Variants in BABAM2 observed in about 807,000 individuals in gnomAD.
BABAM2 encodes BRISC and BRCA1 A complex member 2, also known as BRISC and BRCA1-A complex member 2.
BABAM2 carries 31 observed loss-of-function variants against 54.7 expected under a neutral mutation model. The observed-to-expected ratio is 0.57, with a 90% CI of 0.43 to 0.77. The LOEUF is 0.77. Among genes scored for constraint, BABAM2 ranks in the 30% least tolerant of loss-of-function variants. BABAM2 has a pLI of 0.00. For missense variants in BABAM2, 364 were observed against 455.8 expected (o/e 0.80, Z 1.83); for synonymous variants, 167 against 162.9 (o/e 1.03, Z -0.19).
chr2:27,932,077 T>G (rs1668136596), intron 3 of BABAM2, among the ~76,000 whole-genome samples: 1 of 152,206 alleles, frequency 6.6e-6, no homozygotes, highest in African/African-American at 2.4e-5. Context: ...AGAATCTATG[T>G]ATCGTAGATT....
At chr2:28,220,328 G>T (rs554275402) in intron 7 of BABAM2, among the ~76,000 whole-genome samples, 1 of 152,122 alleles carries the variant, frequency 6.6e-6, no homozygotes, top group Middle Eastern at 3.4e-3. Context: ...CTTTTGTAAG[G>T]GTTAAATAAA....
rs775548486 is a variant in BABAM2, at chr2:28,025,471, A to G, written c.495+51A>G. The stretch of plus-strand genomic sequence containing the variant: ...AAGATGACTTCATCCATAATAAAAT[A>G]ATCAATTCATATGTCCATTTGTAAA... On this transcript the variant is annotated intron_variant, in intron 5 of 11. Transcript: ENST00000379624. 5.5e-6 allele frequency: 8 copies of G among 1,466,980 alleles called. No homozygotes were observed. In the South Asian group the frequency reaches 1.0e-4, roughly 18 times the overall value. The allele number at this position is 1,466,980 out of a possible 1,614,324, so 90.9% of individuals were successfully genotyped here. A position where few individuals can be genotyped will look rare whatever the true frequency, so the allele number is the denominator to read the frequency against.
intron 7 of BABAM2, among the ~76,000 whole-genome samples, chr2:28,140,894 A>G (rs1228411598): frequency 6.6e-6 from 1 of 152,162 alleles, no homozygotes; most frequent in Non-Finnish European, 1.5e-5. Context: ...ATTTCTCACA[A>G]TGTGGTTGCT....
chr2:28,207,565 A>T lies in BABAM2; in HGVS notation c.681-29637A>T, dbSNP rs568249055. 1.9e-4 allele frequency among the ~76,000 whole-genome samples: 29 copies of T among 152,222 alleles called. 2 individuals are homozygous for T. The South Asian group carries it at 5.6e-3, about 29-fold the overall frequency. On this transcript the variant is annotated intron_variant, in intron 7 of 11. Coordinates refer to ENST00000379624, the MANE Select transcript of BABAM2 (RefSeq NM_199191.3). Reference sequence around the variant, plus strand: ...CTCAAAAAATAAATAAAAATAAAGCATCCAACTTGAGCAAGGAATAGCATC... The same window carrying T: ...CTCAAAAAATAAATAAAAATAAAGCTTCCAACTTGAGCAAGGAATAGCATC...
At chr2:28,202,333 C>T (rs1406215582) in intron 7 of BABAM2, among the ~76,000 whole-genome samples, 1 of 152,100 alleles carries the variant, frequency 6.6e-6, no homozygotes, top group Non-Finnish European at 1.5e-5. Flanking sequence ...CTGTCTCTTC[C>T]CACATCCCAT....
intron 6 of BABAM2, among the ~76,000 whole-genome samples, chr2:28,120,579 T>C (rs1668985311): frequency 6.6e-6 from 1 of 152,212 alleles, no homozygotes; most frequent in East Asian, 1.9e-4. Context: ...TACACAGTTG[T>C]TACGAAGATT....
intron 4 of BABAM2, among the ~76,000 whole-genome samples, chr2:28,022,190 G>A (rs1480680540): frequency 6.6e-6 from 1 of 152,192 alleles, no homozygotes; most frequent in Non-Finnish European, 1.5e-5. Context: ...TTGGAGCACT[G>A]GTCCTGTCAG....
rs921537703 is a variant in BABAM2, at chr2:27,894,099, A to G, written c.-24-434A>G. On this transcript the variant is annotated intron_variant, in intron 1 of 11. Transcript: ENST00000379624. ...TGTAGAGTTTTATACGGTATTATCC[A>G]TCAAGTTTTTACTCCTTGTGGGGAC... 2.0e-5 allele frequency among the ~76,000 whole-genome samples: 3 copies of G among 152,124 alleles called. No individual in the cohort carries two copies. The East Asian group carries it at 5.8e-4, about 29-fold the overall frequency.
chr2:28,148,945 C>T (rs1165872964), intron 7 of BABAM2, among the ~76,000 whole-genome samples: 1 of 152,170 alleles, frequency 6.6e-6, no homozygotes, highest in African/African-American at 2.4e-5. Flanking sequence ...CAGTATCACG[C>T]AGGAAAAGCC....
At chr2:28,051,096 A>G (rs547684499) in intron 6 of BABAM2, among the ~76,000 whole-genome samples, 1 of 152,290 alleles carries the variant, frequency 6.6e-6, no homozygotes, top group African/African-American at 2.4e-5. Context: ...TCAGTTCCCA[A>G]TCTTCCTGCA....
intron 2 of BABAM2, among the ~76,000 whole-genome samples, chr2:27,913,859 G>A (rs1352294444): frequency 1.3e-5 from 2 of 151,966 alleles, no homozygotes; most frequent in Admixed American, 1.3e-4. Context: ...CAGTGATTTG[G>A]GTAACACTTC....
intron 4 of BABAM2, among the ~76,000 whole-genome samples, chr2:27,996,168 G>T (rs1489864144): frequency 1.3e-5 from 2 of 152,172 alleles, no homozygotes; most frequent in African/African-American, 4.8e-5. Flanking sequence ...GTGAATGTCA[G>T]ACATTCCAGT....
chr2:28,182,212 A>G (rs1350380725), intron 7 of BABAM2, among the ~76,000 whole-genome samples: 1 of 152,188 alleles, frequency 6.6e-6, no homozygotes, highest in Non-Finnish European at 1.5e-5. Flanking sequence ...GATTGTCCCC[A>G]GGAATCTCTC....
chr2:28,198,041 A>G (rs1677803056), intron 7 of BABAM2, among the ~76,000 whole-genome samples: 1 of 152,216 alleles, frequency 6.6e-6, no homozygotes, highest in African/African-American at 2.4e-5. Context: ...CCTCCATGTA[A>G]GGATAAATTA....
rs140835642 is a variant in BABAM2, at chr2:28,232,761, A to C, written c.681-4441A>C. Among the ~76,000 whole-genome samples, 3 of 152,336 alleles carry C rather than the reference A, an allele frequency of 2.0e-5. No individual in the cohort carries two copies. In the East Asian group the frequency reaches 5.8e-4, roughly 29 times the overall value. On this transcript the variant is annotated intron_variant, in intron 7 of 11. Transcript: ENST00000379624. ...CTGTCATATATGGGGTCCATCATTA[A>C]CTGAAATGTTGCATGTGGCTCATGA...
rs79940668 is a variant in BABAM2, at chr2:28,315,824, G to T, written c.1088+17333G>T. Among the ~76,000 whole-genome samples, 613 of 151,938 alleles carry T rather than the reference G, an allele frequency of 4.0e-3. 4 individuals are homozygous for T. Among genetic ancestry groups the T allele is most frequent in the African/African-American group, 0.014 (577 of 41,422 alleles). ...TTTGTCAGTTTACAAATTACATATTGGTATAATGATCTGCTTTGGTGTTGA... is the reference window on the plus strand; with the variant it reads ...TTTGTCAGTTTACAAATTACATATTTGTATAATGATCTGCTTTGGTGTTGA... On this transcript the variant is annotated intron_variant, in intron 11 of 11. Coordinates refer to ENST00000379624, the MANE Select transcript of BABAM2 (RefSeq NM_199191.3).
chr2:28,320,533 C>T (rs985967886), intron 11 of BABAM2, among the ~76,000 whole-genome samples: 5 of 152,214 alleles, frequency 3.3e-5, no homozygotes, highest in Non-Finnish European at 5.9e-5. Context: ...GAAAGAAACC[C>T]GACTGCTGGC....
chr2:27,985,586 G>C (rs925536690), intron 3 of BABAM2, among the ~76,000 whole-genome samples: 1 of 152,008 alleles, frequency 6.6e-6, no homozygotes, highest in Admixed American at 6.6e-5. Context: ...TTAATTTATT[G>C]AGTGTTTATT....
chr2:28,218,993 G>A (rs1023887897), intron 7 of BABAM2, among the ~76,000 whole-genome samples: 1 of 152,134 alleles, frequency 6.6e-6, no homozygotes, highest in Non-Finnish European at 1.5e-5. Flanking sequence ...GTTGTATTTT[G>A]AATGCTATAT....
Sources: gnomAD v4.1 joint callset for allele counts (sites outside exome capture counted in the v4.1 genomes callset) on GRCh38, gnomAD v4.1.1 for gene constraint, MANE v1.5 for transcripts, NCBI Gene and HGNC (gene_info 2026-07-23, HGNC 2026-07-21) for gene names.